Variants in ARHGEF37 observed in about 807,000 individuals in gnomAD.
ARHGEF37 encodes the protein Rho guanine nucleotide exchange factor (GEF) 37.
Under a neutral mutation model 71.1 loss-of-function variants are expected in ARHGEF37, and 55 were observed. That is an observed-to-expected ratio of 0.77 (90% confidence interval 0.62 to 0.97). ARHGEF37 has a LOEUF of 0.97. Ranked by LOEUF, ARHGEF37 falls within the 50% of genes least tolerant of loss-of-function variation. ARHGEF37 has a pLI of 0.00. For synonymous variants in ARHGEF37, 327 were observed against 350.6 expected, an observed-to-expected ratio of 0.93 and a Z score of 0.75; for missense variants, 765 against 836.8, an observed-to-expected ratio of 0.91 and a Z score of 1.06.
intron 7 of ARHGEF37, 136 bp downstream of exon 7, chr5:149,619,178 T>G (rs1752464811): frequency 2.8e-6 from 2 of 716,374 alleles, no homozygotes; most frequent in Admixed American, 4.3e-5. Flanking sequence ...CTGTCTCATC[T>G]CTTCTGGAGA....
In ARHGEF37 at chr5:149,556,324, G is replaced by T. The variant is rs150398371; in HGVS notation, c.-12+4201G>T. ...TTCTCCTGCCTCAGCCTCTTGAGTGGCTGGGATTACAGGCACATGCCACCA... is the reference window on the plus strand; with the variant it reads ...TTCTCCTGCCTCAGCCTCTTGAGTGTCTGGGATTACAGGCACATGCCACCA... On this transcript the variant is annotated intron_variant, in intron 1 of 2. Transcript: ENST00000505810. Among the ~76,000 whole-genome samples the T allele has an allele frequency of 2.7e-3, 413 of 152,262 alleles. 3 individuals carry two copies. Among genetic ancestry groups the T allele is most frequent in the African/African-American group, 9.3e-3 (388 of 41,544 alleles).
intron 12 of ARHGEF37, among the ~76,000 whole-genome samples, chr5:149,630,742 T>C (rs1752856621): frequency 6.6e-6 from 1 of 152,194 alleles, no homozygotes; most frequent in Non-Finnish European, 1.5e-5. Context: ...CAGGGGCTCA[T>C]TTGGGTGAGC....
intron 1 of ARHGEF37, among the ~76,000 whole-genome samples, chr5:149,573,151 G>C (rs1762988508): frequency 6.6e-6 from 1 of 152,116 alleles, no homozygotes; most frequent in Non-Finnish European, 1.5e-5. Context: ...AGTCCCACCA[G>C]AGTAAGAATT....
upstream of ARHGEF37, among the ~76,000 whole-genome samples, chr5:149,577,170 C>T (rs985522988): frequency 6.6e-6 from 1 of 152,134 alleles, no homozygotes; most frequent in Non-Finnish European, 1.5e-5. Context: ...TTCTGAGCCT[C>T]AATTTCATCA....
Position 149,632,177 on chromosome 5 carries a change from A to G in ARHGEF37, c.2014A>G (p.Ser672Gly). Residue 672 changes from serine to glycine, a missense_variant, in exon 13 of 13, where the codon AGT (serine) becomes GGT (glycine). Transcript: ENST00000333677. ...RARSPVLWGW[S>G]LPS ...TCGGAGCCCAGTTCTGTGGGGCTGG[A>G]GTCTGCCCTCTTAGGGTACCCTCTT... The G allele has an allele frequency of 6.2e-7, 1 of 1,614,104 alleles. No individual in the cohort carries two copies. The highest frequency in any genetic ancestry group is 8.5e-7 in the Non-Finnish European group (1 of 1,180,010).
chr5:149,573,405 T>C (rs527613060), intron 1 of ARHGEF37, among the ~76,000 whole-genome samples: 1 of 152,350 alleles, frequency 6.6e-6, no homozygotes, highest in South Asian at 2.1e-4. Context: ...TAGTTCTTTT[T>C]CTCTGGAGAA....
Position 149,618,950 on chromosome 5 carries a change from GA to G in ARHGEF37, c.804del (p.Glu268AspfsTer5), listed in dbSNP as rs750016059. 12 of 1,613,760 alleles carry G rather than the reference GA, an allele frequency of 7.4e-6. No homozygotes were observed. The highest frequency in any genetic ancestry group is 1.3e-5 in the African/African-American group (1 of 74,920). On this transcript the variant is annotated frameshift_variant, in exon 7 of 13. Coordinates refer to ENST00000333677, the MANE Select transcript of ARHGEF37 (RefSeq NM_001001669.3). LOFTEE classifies it high-confidence loss of function. Reference protein sequence around the residue: ...AGLIPRTEDKEFDDLEERFQW... With the variant: ...AGLIPRTEDKXFDDLEERFQW... ...ACATTACTTTCAGACAGAAGACAAG[GA>G]ATTTGATGATTTAGAAGAGAGGTTC...
rs778189626 is a variant in ARHGEF37 at position 149,616,440 on chromosome 5, C to T, written c.459-127C>T. The T allele has an allele frequency of 2.7e-4, 226 of 824,368 alleles. 1 individual carries two copies. The highest frequency in any genetic ancestry group is 6.9e-5 in the Non-Finnish European group (37 of 538,162). 51.1% of individuals were successfully genotyped at this position (824,368 alleles called of 1,614,324 possible). ...AGTTACAGATGAGGAACTGGAGGATCGCAGAGAGGGGGTGACTTGCCTGAG... is the reference window on the plus strand; with the variant it reads ...AGTTACAGATGAGGAACTGGAGGATTGCAGAGAGGGGGTGACTTGCCTGAG... On this transcript the variant is annotated intron_variant, in intron 4 of 12. Transcript: ENST00000333677.
chr5:149,585,662 T>A (rs4705354), intron 1 of ARHGEF37, among the ~76,000 whole-genome samples: 79,915 of 151,486 alleles, frequency 0.53, 21,616 homozygotes, highest in Admixed American at 0.64. Context: ...GGATTACAGG[T>A]GTCTGCCACC....
In ARHGEF37 at chr5:149,609,697, T is replaced by C; in HGVS notation, c.458+2T>C. On this transcript the variant is annotated splice_donor_variant, in intron 4 of 12. Coordinates refer to ENST00000333677, the MANE Select transcript of ARHGEF37 (RefSeq NM_001001669.3). LOFTEE classifies it high-confidence loss of function. The stretch of plus-strand genomic sequence containing the variant: ...CCAGGGCATCGTTGAGGCGGTGGTG[T>C]GAGTAGAACGGCCAGTGAGCACTCG... The C allele has an allele frequency of 6.2e-7, 1 of 1,612,124 alleles. No homozygotes were observed. Among genetic ancestry groups the C allele is most frequent in the East Asian group, 2.2e-5 (1 of 44,876 alleles).
chr5:149,631,997 C>T lies in ARHGEF37; in HGVS notation c.1834C>T (p.Pro612Ser). The T allele has an allele frequency of 6.2e-7, 1 of 1,614,234 alleles. No homozygotes were observed. The highest frequency in any genetic ancestry group is 2.2e-5 in the East Asian group (1 of 44,880). ...TGTGTTTCAGGTCATAGCCGCGTAC[C>T]CTTTTGTGGCCAGAAGCAGCCATGA... Reference protein sequence around the residue: ...PTMNQVIAAYPFVARSSHEVS... With the variant: ...PTMNQVIAAYSFVARSSHEVS... The change falls in exon 13 of 13, where the codon CCT (proline) becomes TCT (serine). Residue 612 changes from proline to serine, a missense_variant. Pro to Ser is a moderately conservative substitution (Grantham distance 74, BLOSUM62 -1). Transcript: ENST00000333677.
chr5:149,599,434 C>CATATTTATTTATTTATTTATTTAT, intron 2 of ARHGEF37, among the ~76,000 whole-genome samples: 1 of 147,814 alleles, frequency 6.8e-6, no homozygotes, highest in African/African-American at 2.5e-5. Context: ...CCAAGGCAAA[C>CATATTTATTTATTTATTTATTTAT]TTATTTATTT....
At chr5:149,588,274 G>A (rs1763299297) in intron 1 of ARHGEF37, among the ~76,000 whole-genome samples, 1 of 151,370 alleles carries the variant, frequency 6.6e-6, no homozygotes, top group East Asian at 2.0e-4. Context: ...TTTCTTACAG[G>A]GTTGTTATAA....
Position 149,628,811 on chromosome 5 carries a change from C to T in ARHGEF37, c.1663C>T (p.His555Tyr). 6.2e-7 allele frequency: 1 copy of T among 1,612,320 alleles called. No individual in the cohort carries two copies. Among genetic ancestry groups the T allele is most frequent in the Non-Finnish European group, 8.5e-7 (1 of 1,179,286 alleles). ...SGRWLVDTGG[H>Y]RGYVPAGKLQ... ...CTAACCTTCTGCATGCTCCCTAGGACATCGTGGGTATGTGCCGGCTGGGAA... is the reference window on the plus strand; with the variant it reads ...CTAACCTTCTGCATGCTCCCTAGGATATCGTGGGTATGTGCCGGCTGGGAA... Residue 555 changes from histidine to tyrosine, a missense_variant and splice_region_variant, in exon 12 of 13, where the codon CAT becomes TAT. By Grantham distance (83) the His-to-Tyr change is moderately conservative (BLOSUM62 2). Coordinates refer to ENST00000333677, the MANE Select transcript of ARHGEF37 (RefSeq NM_001001669.3).
intron 4 of ARHGEF37, among the ~76,000 whole-genome samples, chr5:149,613,790 G>T (rs1381185595): frequency 2.7e-5 from 4 of 145,944 alleles, no homozygotes; most frequent in Non-Finnish European, 6.0e-5. Context: ...TTGAGACAAG[G>T]TCTCACTCTG....
chr5:149,618,348 C>A (rs867162579), intron 6 of ARHGEF37, 42 bp downstream of exon 6: 4 of 1,612,908 alleles, frequency 2.5e-6, no homozygotes, highest in South Asian at 2.2e-5. Context: ...CCAGCCACCC[C>A]CAAGGCCAGG....
At chr5:149,598,515 T>G (rs1763642337) in intron 2 of ARHGEF37, among the ~76,000 whole-genome samples, 1 of 150,960 alleles carries the variant, frequency 6.6e-6, no homozygotes, top group Non-Finnish European at 1.5e-5. Flanking sequence ...TTTTTCCTGC[T>G]TCCCCTTCAA....
intron 7 of ARHGEF37, among the ~76,000 whole-genome samples, chr5:149,619,433 T>C (rs1204547710): frequency 6.6e-6 from 1 of 152,234 alleles, no homozygotes; most frequent in African/African-American, 2.4e-5. Flanking sequence ...TCTAACAGGC[T>C]GTTTATGAGA....
At chr5:149,570,562 G>A (rs1205430271) in intron 1 of ARHGEF37, among the ~76,000 whole-genome samples, 1 of 136,958 alleles carries the variant, frequency 7.3e-6, no homozygotes, top group Non-Finnish European at 1.5e-5. Context: ...GACAACAAGT[G>A]CGAAACTCCG....
Sources: gnomAD v4.1 joint callset for allele counts (sites outside exome capture counted in the v4.1 genomes callset) on GRCh38, gnomAD v4.1.1 for gene constraint, MANE v1.5 for transcripts, NCBI Gene and HGNC (gene_info 2026-07-23, HGNC 2026-07-21) for gene names.